The following EVA1C variants were observed in gnomAD, a reference collection of about 807,000 sequenced individuals.
EVA1C encodes protein eva-1 homolog C.
A neutral mutation model predicts 45.4 loss-of-function variants in EVA1C; 25 were observed. The observed-to-expected ratio is 0.55, with a 90% CI of 0.40 to 0.77. The LOEUF is 0.77. EVA1C is among the 30% of genes least tolerant of loss of function. EVA1C has a pLI of 0.00. For synonymous variants in EVA1C, 190 were observed against 221.2 expected, an observed-to-expected ratio of 0.86 and a Z score of 1.25; for missense variants, 479 against 554.8, an observed-to-expected ratio of 0.86 and a Z score of 1.37.
intron 5 of EVA1C, among the ~76,000 whole-genome samples, chr21:32,497,929 C>T (rs1025865373): frequency 2.0e-5 from 3 of 152,146 alleles, no homozygotes; most frequent in African/African-American, 7.2e-5. Flanking sequence ...ATTCAATCAT[C>T]TCCCACAGGG....
At chr21:32,495,681 C>T (rs2037330213) in intron 5 of EVA1C, among the ~76,000 whole-genome samples, 1 of 152,182 alleles carries the variant, frequency 6.6e-6, no homozygotes, top group Non-Finnish European at 1.5e-5. Flanking sequence ...AAAATTGTTA[C>T]ACGACAGCAT....
intron 1 of EVA1C, among the ~76,000 whole-genome samples, chr21:32,451,721 T>C (rs117180818): frequency 6.6e-6 from 1 of 152,318 alleles, no homozygotes; most frequent in East Asian, 1.9e-4. Context: ...CCGGCAACGC[T>C]CGGCATTCCT....
intron 1 of EVA1C, among the ~76,000 whole-genome samples, chr21:32,449,106 C>T (rs1190493916): frequency 6.6e-6 from 1 of 152,050 alleles, no homozygotes; most frequent in Non-Finnish European, 1.5e-5. Flanking sequence ...TTTCATCAAC[C>T]TCTACTCCTA....
At chr21:32,506,178 C>T (rs1262716747) in intron 7 of EVA1C, among the ~76,000 whole-genome samples, 2 of 150,498 alleles carry the variant, frequency 1.3e-5, no homozygotes, top group Non-Finnish European at 2.9e-5. Context: ...TAGTGACTAT[C>T]TCTCCTGCTA....
chr21:32,484,164 C>A (rs954019382), intron 4 of EVA1C, among the ~76,000 whole-genome samples: 1 of 152,108 alleles, frequency 6.6e-6, no homozygotes, highest in Non-Finnish European at 1.5e-5. Flanking sequence ...CCTGCCCAGT[C>A]CCCAGGGTAC....
chr21:32,491,020 C>A (rs1001932048), intron 4 of EVA1C, among the ~76,000 whole-genome samples: 1 of 152,090 alleles, frequency 6.6e-6, no homozygotes, highest in South Asian at 2.1e-4. Context: ...GTCTGGATAG[C>A]GACAAATGAG....
At chr21:32,473,499 C>T (rs746286143) in intron 4 of EVA1C, among the ~76,000 whole-genome samples, 4 of 152,200 alleles carry the variant, frequency 2.6e-5, no homozygotes, top group African/African-American at 7.2e-5. Flanking sequence ...GTCTCCTACC[C>T]GCTATCCGTC....
intron 1 of EVA1C, among the ~76,000 whole-genome samples, chr21:32,435,284 C>T (rs1601246831): frequency 6.6e-6 from 1 of 152,072 alleles, no homozygotes; most frequent in African/African-American, 2.4e-5. Flanking sequence ...GAACTCCTGG[C>T]CTCGAGCTAC....
rs2035650781 is a variant in EVA1C, at chr21:32,453,240, C to T, written c.161-72C>T. The T allele has an allele frequency of 4.4e-6, 5 of 1,133,660 alleles. No homozygotes were observed. The South Asian group carries it at 6.3e-5, about 14-fold the overall frequency. 70.2% of individuals were successfully genotyped at this position (1,133,660 alleles called of 1,614,324 possible). Reference sequence around the variant, plus strand: ...AGCCCTTCCCCAGGGGAACCAACGTCCTCCTGTCCCCAAACCCATGGAGGA... The same window carrying T: ...AGCCCTTCCCCAGGGGAACCAACGTTCTCCTGTCCCCAAACCCATGGAGGA... On this transcript the variant is annotated intron_variant, in intron 1 of 7. Transcript: ENST00000300255.
chr21:32,502,920 G>A (rs138017722), intron 6 of EVA1C, among the ~76,000 whole-genome samples: 4 of 152,076 alleles, frequency 2.6e-5, no homozygotes, highest in Admixed American at 6.6e-5. Context: ...GTAAGACACC[G>A]CACCCAGCTT....
At chr21:32,508,691 G>A (rs2037851784) in intron 7 of EVA1C, among the ~76,000 whole-genome samples, 1 of 152,174 alleles carries the variant, frequency 6.6e-6, no homozygotes, top group African/African-American at 2.4e-5. Flanking sequence ...CAACTCTCGG[G>A]CCCTGACTGC....
chr21:32,477,188 C>T (rs887793905), intron 4 of EVA1C, among the ~76,000 whole-genome samples: 1 of 152,108 alleles, frequency 6.6e-6, no homozygotes, highest in Non-Finnish European at 1.5e-5. Context: ...GCCCTGAAGA[C>T]GCACTTGGCT....
At position 32,471,683 on chromosome 21, in the gene EVA1C, C is replaced by T. The variant is rs2036382831; in HGVS notation, c.634+3835C>T. Among the ~76,000 whole-genome samples, 3 of 149,784 alleles carry T rather than the reference C, an allele frequency of 2.0e-5. No homozygotes were observed. The Admixed American group carries it at 2.0e-4, about 10-fold the overall frequency. On this transcript the variant is annotated intron_variant, in intron 4 of 7. Coordinates refer to ENST00000300255, the MANE Select transcript of EVA1C (RefSeq NM_058187.5). ...TTGCTCTGTCCCCCAGGCTAGAGTGCAGCGGTGCGATCTCAGCTCACTGCA... is the reference window on the plus strand; with the variant it reads ...TTGCTCTGTCCCCCAGGCTAGAGTGTAGCGGTGCGATCTCAGCTCACTGCA...
intron 3 of EVA1C, among the ~76,000 whole-genome samples, chr21:32,463,296 C>T (rs868716811): frequency 1.3e-5 from 2 of 152,204 alleles, no homozygotes; most frequent in South Asian, 2.1e-4. Context: ...ATCTAAACTC[C>T]CAGGAGAGTT....
chr21:32,436,697 T>C (rs1248858392), intron 1 of EVA1C, among the ~76,000 whole-genome samples: 3 of 152,284 alleles, frequency 2.0e-5, no homozygotes, highest in Non-Finnish European at 2.9e-5. Flanking sequence ...AGGCTTCCCT[T>C]ATGCCCACTT....
At chr21:32,494,972 G>A in intron 4 of EVA1C, 55 bp from the exon 5 acceptor site, 1 of 1,568,464 alleles carries the variant, frequency 6.4e-7, no homozygotes. Flanking sequence ...TGTAGGCTAT[G>A]TGGTGGCCCT....
intron 7 of EVA1C, among the ~76,000 whole-genome samples, chr21:32,510,587 C>T (rs188817827): frequency 2.6e-5 from 4 of 152,138 alleles, no homozygotes; most frequent in African/African-American, 9.7e-5. Flanking sequence ...AGTTCCTATC[C>T]GGCCATTCAC....
intron 4 of EVA1C, among the ~76,000 whole-genome samples, chr21:32,492,319 A>T (rs577384686): frequency 6.6e-6 from 1 of 152,034 alleles, no homozygotes; most frequent in South Asian, 2.1e-4. Context: ...CCTCAAAGGG[A>T]TCAGTTTCGG....
intron 7 of EVA1C, among the ~76,000 whole-genome samples, chr21:32,512,076 G>A (rs1408104899): frequency 2.6e-5 from 4 of 152,086 alleles, no homozygotes; most frequent in Middle Eastern, 6.8e-3. Context: ...ACATAGAGAC[G>A]GAAAATAAAA....
Sources: gnomAD v4.1 joint callset for allele counts (sites outside exome capture counted in the v4.1 genomes callset) on GRCh38, gnomAD v4.1.1 for gene constraint, MANE v1.5 for transcripts, NCBI Gene and HGNC (gene_info 2026-07-23, HGNC 2026-07-21) for gene names.